The following IL18R1 variants were observed in gnomAD, a reference collection of about 807,000 sequenced individuals.
The protein encoded by IL18R1 is interleukin-18 receptor 1.
In IL18R1, 40 loss-of-function variants were observed where a neutral mutation model predicts 48.5. The observed-to-expected ratio is 0.82, with a 90% CI of 0.64 to 1.07. IL18R1 has a LOEUF of 1.07. IL18R1 is among the 50% of genes least tolerant of loss of function. IL18R1 has a pLI of 0.00. For synonymous variants in IL18R1, 232 were observed against 225.9 expected (o/e 1.03, Z -0.24); for missense variants, 596 against 633.7 (o/e 0.94, Z 0.64).
At position 102,362,635 on chromosome 2, in the gene IL18R1, A is replaced by G; in HGVS notation, c.-26A>G. On this transcript the variant is annotated splice_region_variant and 5_prime_UTR_variant, in exon 2 of 11. Transcript: ENST00000233957. The stretch of plus-strand genomic sequence containing the variant: ...ATCTGTTTTATTCTGTTTTCCAGAG[A>G]AGCCATTTGAAGCAGAATCCAAACC... 6.3e-7 allele frequency: 1 copy of G among 1,591,216 alleles called. No homozygotes were observed.
rs1242879069 is a variant in IL18R1, at chr2:102,356,284, C to G, written c.-145C>G. 2.1e-6 allele frequency: 2 copies of G among 946,294 alleles called. No homozygotes were observed. Among genetic ancestry groups the G allele is most frequent in the African/African-American group, 3.6e-5 (2 of 55,096 alleles). The allele number at this position is 946,294 out of a possible 1,614,324, so 58.6% of individuals were successfully genotyped here. On this transcript the variant is annotated 5_prime_UTR_variant, in exon 1 of 11. Coordinates refer to ENST00000233957, the MANE Select transcript of IL18R1 (RefSeq NM_003855.5). The stretch of plus-strand genomic sequence containing the variant: ...CCTCTCTTTCACTTTCCACGGTAGT[C>G]AGGAGGCGGAGATCGCTGCTTCTCA...
chr2:102,391,107 T>C (rs17027060), intron 9 of IL18R1, among the ~76,000 whole-genome samples: 36,012 of 151,918 alleles, frequency 0.24, 4,735 homozygotes, highest in East Asian at 0.4. Context: ...TTCCAGATAA[T>C]TACTAATTTA....
At chr2:102,373,080 A>G (rs1285508383) in intron 4 of IL18R1, among the ~76,000 whole-genome samples, 2 of 152,236 alleles carry the variant, frequency 1.3e-5, no homozygotes, top group Non-Finnish European at 2.9e-5. Flanking sequence ...AAAATTTGAT[A>G]TGAAAAATTT....
At chr2:102,394,274 T>A (rs899078417) in intron 9 of IL18R1, among the ~76,000 whole-genome samples, 195 bp from the exon 10 acceptor site, 13 of 152,194 alleles carry the variant, frequency 8.5e-5, no homozygotes, top group African/African-American at 3.1e-4. Context: ...AGCAGTGGGA[T>A]CTTAAAGTAG....
At chr2:102,375,865 G>A (rs766644366) in intron 4 of IL18R1, 42 bp from the exon 5 acceptor site, 6 of 1,372,396 alleles carry the variant, frequency 4.4e-6, no homozygotes, top group Admixed American at 2.7e-5. Context: ...ATATCAATTT[G>A]GCTTTTACTT....
Position 102,359,604 on chromosome 2 carries a change from A to G in IL18R1, c.-28-3029A>G, listed in dbSNP as rs532948293. On this transcript the variant is annotated intron_variant, in intron 1 of 10. Coordinates refer to ENST00000233957, the MANE Select transcript of IL18R1 (RefSeq NM_003855.5). The stretch of plus-strand genomic sequence containing the variant: ...CAAAGAAATGCAAATTCAGAAAACA[A>G]TGAGATACCATTTTTCCATTTTGGC... Among the ~76,000 whole-genome samples the G allele has an allele frequency of 1.3e-3, 198 of 152,344 alleles. 4 individuals carry two copies. The highest frequency in any genetic ancestry group is 4.9e-3 in the Admixed American group (75 of 15,306).
intron 5 of IL18R1, among the ~76,000 whole-genome samples, chr2:102,376,458 A>G (rs558045426): frequency 3.3e-5 from 5 of 152,352 alleles, no homozygotes; most frequent in African/African-American, 1.2e-4. Context: ...TGAGCACTGT[A>G]CTATTCTCAA....
At position 102,397,134 on chromosome 2, in the gene IL18R1, C is replaced by A; in HGVS notation, c.*248C>A. 2.3e-6 allele frequency: 1 copy of A among 426,916 alleles called. No individual in the cohort carries two copies. The highest frequency in any genetic ancestry group is 4.1e-6 in the Non-Finnish European group (1 of 242,036). 26.4% of individuals were successfully genotyped at this position (426,916 alleles called of 1,614,324 possible). A position where few individuals can be genotyped will look rare whatever the true frequency, so the allele number is the denominator to read the frequency against. ...GGAGCTATTCTTTTTCTCCCTCTTTCATAACTGGATGCAGCTGCTCATACT... is the reference window on the plus strand; with the variant it reads ...GGAGCTATTCTTTTTCTCCCTCTTTAATAACTGGATGCAGCTGCTCATACT... On this transcript the variant is annotated 3_prime_UTR_variant, in exon 11 of 11. Transcript: ENST00000233957.
At chr2:102,363,735 A>C (rs1248248186) in intron 2 of IL18R1, among the ~76,000 whole-genome samples, 1 of 152,208 alleles carries the variant, frequency 6.6e-6, no homozygotes, top group Non-Finnish European at 1.5e-5. Context: ...CTTTTCATGA[A>C]TGTTTCACTC....
intron 6 of IL18R1, among the ~76,000 whole-genome samples, chr2:102,383,908 A>G (rs1680063352): frequency 6.6e-6 from 1 of 152,128 alleles, no homozygotes; most frequent in African/African-American, 2.4e-5. Flanking sequence ...ACAGTTTTTA[A>G]TCTGCTAAAT....
intron 1 of IL18R1, among the ~76,000 whole-genome samples, chr2:102,360,196 A>C (rs141298281): frequency 4.9e-4 from 75 of 152,316 alleles, no homozygotes; most frequent in Non-Finnish European, 4.9e-4. Context: ...TTTAACAAAG[A>C]GTTTTGTGAC....
At position 102,367,958 on chromosome 2, in the gene IL18R1, A is replaced by G. The variant is rs1340155321; in HGVS notation, c.192A>G (p.Glu64=). 6 of 1,614,248 alleles carry G rather than the reference A, an allele frequency of 3.7e-6. No individual in the cohort carries two copies. In the Admixed American group the frequency reaches 1.0e-4, roughly 27 times the overall value. The change falls in exon 3 of 11, where the codon GAA becomes GAG. Residue 64 remains glutamate (E), a synonymous_variant. Coordinates refer to ENST00000233957, the MANE Select transcript of IL18R1 (RefSeq NM_003855.5). ...GGTACAAAAGCAGTGGATCACAGGA[A>G]CATGTGGAGCTGAACCCAAGGAGTT... The part of the protein sequence containing the change: ...KSWYKSSGSQ[E]HVELNPRSSS...
rs182351680 is a variant in IL18R1 at position 102,374,571 on chromosome 2, G to A, written c.469-1336G>A. On this transcript the variant is annotated intron_variant, in intron 4 of 10. Transcript: ENST00000233957. Reference sequence around the variant, plus strand: ...AGGTGGGCGGATTATTAGGTCAGGTGATCGAGACCATGCTGGCTAATATGA... The same window carrying A: ...AGGTGGGCGGATTATTAGGTCAGGTAATCGAGACCATGCTGGCTAATATGA... Among the ~76,000 whole-genome samples, 629 of 152,204 alleles carry A rather than the reference G, an allele frequency of 4.1e-3. 7 individuals carry two copies. Among genetic ancestry groups the A allele is most frequent in the African/African-American group, 0.014 (598 of 41,512 alleles).
At chr2:102,384,360 T>C (rs887977559) in intron 6 of IL18R1, among the ~76,000 whole-genome samples, 7 of 152,236 alleles carry the variant, frequency 4.6e-5, no homozygotes, top group African/African-American at 1.7e-4. Context: ...CTGGATTTTC[T>C]TGTTTCTATG....
chr2:102,382,775 A>G (rs1679994213), intron 6 of IL18R1, among the ~76,000 whole-genome samples: 1 of 152,188 alleles, frequency 6.6e-6, no homozygotes, highest in African/African-American at 2.4e-5. Flanking sequence ...GCTGGGTCCT[A>G]TGCCATTTGT....
At chr2:102,380,718 C>T (rs1055915453) in intron 5 of IL18R1, among the ~76,000 whole-genome samples, 2 of 152,182 alleles carry the variant, frequency 1.3e-5, no homozygotes, top group African/African-American at 4.8e-5. Context: ...TGCAGGAGCA[C>T]TCCTGAGTCT....
chr2:102,394,298 C>T (rs1223459071), intron 9 of IL18R1, among the ~76,000 whole-genome samples, 171 bp from the exon 10 acceptor site: 2 of 152,136 alleles, frequency 1.3e-5, no homozygotes, highest in Non-Finnish European at 2.9e-5. Flanking sequence ...CTTAAAAACA[C>T]ATTGGCTAAT....
At position 102,375,961 on chromosome 2, in the gene IL18R1, G is replaced by T. The variant is rs776875280; in HGVS notation, c.523G>T (p.Ala175Ser). The T allele has an allele frequency of 2.5e-6, 4 of 1,606,022 alleles. No homozygotes were observed. The South Asian group carries it at 4.5e-5, about 18-fold the overall frequency. ...NNKNPTIKKN[A>S]EFEDQGYYSC... is the part of the protein sequence containing the mutation. ...TAAAAACCCAACGATAAAGAAGAAC[G>T]CCGAGTTTGAAGATCAGGGGTATTA... Residue 175 changes from alanine (A) to serine (S), a missense_variant, in exon 5 of 11, where the codon GCC becomes TCC. Coordinates refer to ENST00000233957, the MANE Select transcript of IL18R1 (RefSeq NM_003855.5).
At chr2:102,393,334 G>C (rs1031988363) in intron 9 of IL18R1, among the ~76,000 whole-genome samples, 11 of 152,216 alleles carry the variant, frequency 7.2e-5, no homozygotes, top group Admixed American at 5.9e-4. Context: ...TGATATTTAT[G>C]TAAGCCTGAA....
Sources: gnomAD v4.1 joint callset for allele counts (sites outside exome capture counted in the v4.1 genomes callset) on GRCh38, gnomAD v4.1.1 for gene constraint, MANE v1.5 for transcripts, NCBI Gene and HGNC (gene_info 2026-07-23, HGNC 2026-07-21) for gene names.